The following IQSEC2 variants were observed in gnomAD, a reference collection of about 807,000 sequenced individuals.
IQSEC2 encodes IQ motif and SEC7 domain-containing protein 2.
In IQSEC2, 6 loss-of-function variants were observed where a neutral mutation model predicts 74.6. That is an observed-to-expected ratio of 0.08 (90% CI 0.04 to 0.16). The LOEUF (loss-of-function observed/expected upper bound fraction) is 0.16, where lower values mean the gene tolerates loss of function less well. IQSEC2 is among the 10% of genes least tolerant of loss of function. The pLI is 1.00. For missense variants in IQSEC2, 734 were observed against 1,306.2 expected, an observed-to-expected ratio of 0.56 and a Z score of 6.75; for synonymous variants, 494 against 544.5, an observed-to-expected ratio of 0.91 and a Z score of 1.29.
In IQSEC2 at chrX:53,250,515, T is replaced by C; in HGVS notation, c.2061A>G (p.Ala687=). The change falls in exon 5 of 15, where the codon GCA becomes GCG. Residue 687 remains alanine (A), a synonymous_variant. Coordinates refer to ENST00000642864, the MANE Select transcript of IQSEC2 (RefSeq NM_001111125.3). The part of the protein sequence containing the change: ...GGRRLGKCEA[A]GENSDGGDNE... ...TATCTCCACCATCAGAGTTCTCGCC[T>C]GCTGCCTCGCACTTCCCCAACCTCC... The C allele has an allele frequency of 8.3e-7, 1 of 1,211,958 alleles. No homozygotes were observed. Among genetic ancestry groups the C allele is most frequent in the Non-Finnish European group, 1.1e-6 (1 of 895,546 alleles).
chrX:53,307,113 G>C (rs1225424599), intron 1 of IQSEC2, among the ~76,000 whole-genome samples: 1 of 109,560 alleles, frequency 9.1e-6, no homozygotes, highest in Non-Finnish European at 1.9e-5. Flanking sequence ...GACACCTAGT[G>C]GCATGTTGGT....
intron 2 of IQSEC2, among the ~76,000 whole-genome samples, chrX:53,277,483 T>A (rs1474750799): frequency 2.7e-5 from 3 of 110,338 alleles, no homozygotes; most frequent in Non-Finnish European, 5.7e-5. Context: ...CCTCCCAAAG[T>A]GGTGGGATTA....
At chrX:53,242,758 G>A (rs1335276468) in intron 9 of IQSEC2, among the ~76,000 whole-genome samples, 11 of 110,114 alleles carry the variant, frequency 1.0e-4, no homozygotes, top group African/African-American at 3.0e-4. Flanking sequence ...TTTTTGAGAC[G>A]GAGTCTTGCT....
intron 2 of IQSEC2, among the ~76,000 whole-genome samples, chrX:53,289,389 C>T (rs1442392291): frequency 9.0e-6 from 1 of 111,146 alleles, no homozygotes; most frequent in East Asian, 2.8e-4. Flanking sequence ...TCCTGACCCG[C>T]GTTCTGACCT....
intron 2 of IQSEC2, among the ~76,000 whole-genome samples, chrX:53,289,285 C>A (rs1367114417): frequency 2.7e-5 from 3 of 111,302 alleles, no homozygotes; most frequent in Non-Finnish European, 5.7e-5. Flanking sequence ...GTGCATGGAT[C>A]CAGTGTTTCT....
At chrX:53,307,918 G>A (rs1449544790) in intron 1 of IQSEC2, among the ~76,000 whole-genome samples, 8 of 106,592 alleles carry the variant, frequency 7.5e-5, no homozygotes, top group South Asian at 4.2e-4. Flanking sequence ...CGGGCACGGC[G>A]GCTCATGCCT....
intron 1 of IQSEC2, among the ~76,000 whole-genome samples, chrX:53,306,364 GC>G (rs2075262979): frequency 8.9e-6 from 1 of 111,807 alleles, no homozygotes; most frequent in East Asian, 2.8e-4. Flanking sequence ...CAGGGGCAGG[GC>G]TGGGATCAGA....
Position 53,260,354 on chromosome X carries a change from G to A in IQSEC2, c.738-4293C>T, listed in dbSNP as rs1260300886. On this transcript the variant is annotated intron_variant, in intron 2 of 14. Transcript: ENST00000642864. The stretch of plus-strand genomic sequence containing the variant: ...AAGAGGCCAGTGTGGCCGGAACAGA[G>A]TGAATGAGAGGAGATAGGAGGTAAG... 2.7e-5 allele frequency among the ~76,000 whole-genome samples: 3 copies of A among 111,838 alleles called. No homozygotes were observed. The Admixed American group carries it at 2.8e-4, about 11-fold the overall frequency.
chrX:53,235,230 AC>A, intron 14 of IQSEC2, 46 bp from the exon 15 acceptor site: 1 of 1,160,256 alleles, frequency 8.6e-7, no homozygotes, highest in African/African-American at 1.8e-5. Context: ...GATGCCCTAA[AC>A]CCCCAGCCCT....
chrX:53,241,138 C>G (rs1191313364), intron 10 of IQSEC2, among the ~76,000 whole-genome samples: 2 of 109,628 alleles, frequency 1.8e-5, no homozygotes, highest in African/African-American at 6.7e-5. Flanking sequence ...CAGGGTCTGG[C>G]TCTGTTGCCC....
At chrX:53,242,063 G>A (rs1233612812) in intron 9 of IQSEC2, among the ~76,000 whole-genome samples, 154 bp from the exon 10 acceptor site, 7 of 112,099 alleles carry the variant, frequency 6.2e-5, no homozygotes, top group African/African-American at 2.0e-4. Flanking sequence ...AAACTTATCT[G>A]CTACCTTGCC....
Position 53,234,147 on chromosome X carries a change from C to G in IQSEC2, c.*72G>C. 2.4e-6 allele frequency: 1 copy of G among 414,859 alleles called. No homozygotes were observed. The highest frequency in any genetic ancestry group is 4.5e-5 in the East Asian group (1 of 22,246). 34.2% of individuals were successfully genotyped at this position (414,859 alleles called of 1,213,427 possible). On this transcript the variant is annotated 3_prime_UTR_variant, in exon 15 of 15. Transcript: ENST00000642864. Reference sequence around the variant, plus strand: ...TATATTTTTGAAAAAACCGAGGAAGCAAAGAGGGTGCAAGGTCCCTCTCCT... The same window carrying G: ...TATATTTTTGAAAAAACCGAGGAAGGAAAGAGGGTGCAAGGTCCCTCTCCT...
chrX:53,320,998 C>A lies in IQSEC2; in HGVS notation c.126G>T (p.Arg42=). Residue 42 remains arginine (R), a synonymous_variant, in exon 1 of 15, where the codon CGG becomes CGT. Transcript: ENST00000642864. ...GCTGGCCCTCCAGCTCCTCGATGCG[C>A]CGCCGCTGGGTTTCCAGCAGCTGCT... ...SQQQLLETQR[R]RIEELEGQLD... is the part of the protein sequence containing the mutation. The A allele has an allele frequency of 8.6e-7, 1 of 1,158,942 alleles. No homozygotes were observed. Among genetic ancestry groups the A allele is most frequent in the Non-Finnish European group, 1.1e-6 (1 of 872,282 alleles).
chrX:53,315,022 T>C (rs1225638807), intron 1 of IQSEC2, among the ~76,000 whole-genome samples: 1 of 111,797 alleles, frequency 8.9e-6, no homozygotes, highest in Non-Finnish European at 1.9e-5. Flanking sequence ...GCCAGACAGT[T>C]CTGGGCTCCA....
At chrX:53,273,772 A>G in intron 2 of IQSEC2, among the ~76,000 whole-genome samples, 1 of 112,222 alleles carries the variant, frequency 8.9e-6, no homozygotes, top group Non-Finnish European at 1.9e-5. Flanking sequence ...ATACAGAGCT[A>G]CCTTTTCTTT....
chrX:53,254,398 T>G (rs1325993055), intron 4 of IQSEC2, 132 bp downstream of exon 4: 1 of 520,316 alleles, frequency 1.9e-6, no homozygotes, highest in Non-Finnish European at 3.1e-6. Flanking sequence ...CAGTCCCAAC[T>G]CAAATGGTAG....
At position 53,243,940 on chromosome X, in the gene IQSEC2, C is replaced by T. The variant is rs782799724; in HGVS notation, c.2750-469G>A. On this transcript the variant is annotated intron_variant, in intron 8 of 14. Coordinates refer to ENST00000642864, the MANE Select transcript of IQSEC2 (RefSeq NM_001111125.3). ...GTATGTGCAAGAATGCTAGTGCAGG[C>T]GGGGCATGGTGGCTCACGCCTGTAC... is the stretch of plus-strand genomic sequence containing the variant. 3.6e-5 allele frequency among the ~76,000 whole-genome samples: 4 copies of T among 111,997 alleles called. No homozygotes were observed. In the South Asian group the frequency reaches 1.5e-3, roughly 41 times the overall value.
Position 53,248,847 on chromosome X carries a change from C to T in IQSEC2, c.2333G>A (p.Arg778Gln), listed in dbSNP as rs192071369. 53 of 1,209,388 alleles carry T rather than the reference C, an allele frequency of 4.4e-5. No homozygotes were observed. The Admixed American group carries it at 1.1e-3, about 26-fold the overall frequency. ...PEKGIQYLIE[R>Q]GFLSDTPVGV... Reference sequence around the variant, plus strand: ...CACCGGTGTGTCTGACAGGAAGCCCCGCTCGATCAGATACTGGATACCCTT... The same window carrying T: ...CACCGGTGTGTCTGACAGGAAGCCCTGCTCGATCAGATACTGGATACCCTT... Residue 778 changes from arginine to glutamine, a missense_variant, in exon 6 of 15, where the codon CGG becomes CAG. Physicochemically the swap from Arg to Gln is conservative, Grantham distance 43 (BLOSUM62 1). This residue lies in a region of IQSEC2 where 14 missense variants were observed against 20.4 expected (regional missense o/e 0.69). Coordinates refer to ENST00000642864, the MANE Select transcript of IQSEC2 (RefSeq NM_001111125.3).
At chrX:53,291,804 T>C in intron 2 of IQSEC2, 91 bp downstream of exon 2, 1 of 828,934 alleles carries the variant, frequency 1.2e-6, no homozygotes. Flanking sequence ...GCCCCTCCCC[T>C]TGCCCATGGA....
Sources: gnomAD v4.1 joint callset for allele counts (sites outside exome capture counted in the v4.1 genomes callset) on GRCh38, gnomAD v4.1.1 for gene constraint, gnomAD v4.1.1 regional missense constraint, MANE v1.5 for transcripts, NCBI Gene and HGNC (gene_info 2026-07-23, HGNC 2026-07-21) for gene names.